Variants in LRRIQ1 observed in about 807,000 individuals in gnomAD.
The protein encoded by LRRIQ1 is leucine-rich repeat- and IQ domain-containing protein 1.
In LRRIQ1, 210 loss-of-function variants were observed where a neutral mutation model predicts 211.9. That is an observed-to-expected ratio of 0.99 (90% CI 0.89 to 1.11). The LOEUF (loss-of-function observed/expected upper bound fraction) is 1.11, where lower values mean the gene tolerates loss of function less well. LRRIQ1 is among the 50% of genes most tolerant of loss of function. LRRIQ1 has a pLI of 0.00. For synonymous variants in LRRIQ1, 699 were observed against 650.1 expected, an observed-to-expected ratio of 1.08 and a Z score of -1.14; for missense variants, 2,136 against 1,939.5, an observed-to-expected ratio of 1.10 and a Z score of -1.90.
chr12:85,184,970 A>C (rs2136905572), intron 24 of LRRIQ1, among the ~76,000 whole-genome samples: 1 of 152,092 alleles, frequency 6.6e-6, no homozygotes, highest in Middle Eastern at 3.4e-3. Flanking sequence ...AAGTAAGCTA[A>C]GGTTTACACT....
intron 3 of LRRIQ1, among the ~76,000 whole-genome samples, chr12:85,041,574 T>C (rs1226416220): frequency 1.3e-5 from 2 of 151,638 alleles, no homozygotes; most frequent in Non-Finnish European, 3.0e-5. Flanking sequence ...AAAGGCCCAC[T>C]GAGTGGATTT....
intron 19 of LRRIQ1, among the ~76,000 whole-genome samples, chr12:85,141,334 G>C (rs1889517738): frequency 6.6e-6 from 1 of 151,120 alleles, no homozygotes; most frequent in Non-Finnish European, 1.5e-5. Flanking sequence ...CATTCTATGA[G>C]GTATTGAGAG....
At chr12:85,171,570 A>G (rs1426239281) in intron 24 of LRRIQ1, among the ~76,000 whole-genome samples, 4 of 152,220 alleles carry the variant, frequency 2.6e-5, no homozygotes, top group Admixed American at 1.3e-4. Context: ...TCTTCAGAGA[A>G]ACAAAGCCAG....
chr12:85,155,386 C>T (rs1365831374), intron 23 of LRRIQ1, among the ~76,000 whole-genome samples: 5 of 151,276 alleles, frequency 3.3e-5, no homozygotes, highest in Admixed American at 2.6e-4. Flanking sequence ...TGGTGGTTAC[C>T]CAGTGAAATA....
rs1327186242 is a variant in LRRIQ1 at position 85,177,042 on chromosome 12, CT to C, written c.4822+16330del. Among the ~76,000 whole-genome samples the C allele has an allele frequency of 3.9e-5, 6 of 152,154 alleles. No individual in the cohort carries two copies. In the East Asian group the frequency reaches 9.7e-4, roughly 25 times the overall value. Reference sequence around the variant, plus strand: ...CGTGATTTTGGTTAAGTTACTAAACCTTCCTGTACTTGATTTTCCTCATCAA... The same window carrying C: ...CGTGATTTTGGTTAAGTTACTAAACCTCCTGTACTTGATTTTCCTCATCAA... On this transcript the variant is annotated intron_variant, in intron 24 of 26. Transcript: ENST00000393217.
chr12:85,038,337 C>G (rs759583222), intron 2 of LRRIQ1, 29 bp downstream of exon 2: 2 of 1,407,332 alleles, frequency 1.4e-6, no homozygotes, highest in Non-Finnish European at 1.9e-6. Context: ...AGCCTTTTAA[C>G]AGGAGTAGGC....
intron 11 of LRRIQ1, among the ~76,000 whole-genome samples, chr12:85,077,829 A>T (rs1050171635): frequency 6.6e-6 from 1 of 152,060 alleles, no homozygotes; most frequent in African/African-American, 2.4e-5. Flanking sequence ...AAAATAAAAT[A>T]AACAAAAAAT....
chr12:85,103,862 T>A (rs1458081607), intron 13 of LRRIQ1, 142 bp from the exon 14 acceptor site: 1 of 326,196 alleles, frequency 3.1e-6, no homozygotes, highest in African/African-American at 2.2e-5. Context: ...TATTGTACAA[T>A]TATAATTGTA....
chr12:85,167,576 A>C (rs1891215283), intron 24 of LRRIQ1, among the ~76,000 whole-genome samples: 1 of 152,218 alleles, frequency 6.6e-6, no homozygotes, highest in Non-Finnish European at 1.5e-5. Flanking sequence ...AGACTCAGCA[A>C]GTCTCTCTTC....
At chr12:85,135,261 A>G (rs1889040757) in intron 18 of LRRIQ1, among the ~76,000 whole-genome samples, 1 of 151,384 alleles carries the variant, frequency 6.6e-6, no homozygotes, top group Non-Finnish European at 1.5e-5. Flanking sequence ...CATGTTTATC[A>G]TCTCCTGGTT....
rs1296205700 is a variant in LRRIQ1 at position 85,098,463 on chromosome 12, C to T, written c.2996C>T (p.Ser999Phe). The change falls in exon 12 of 27, where the codon TCC (serine) becomes TTC (phenylalanine). Residue 999 changes from serine to phenylalanine, a missense_variant. Physicochemically the swap from Ser to Phe is radical, Grantham distance 155 (BLOSUM62 -2). Coordinates refer to ENST00000393217, the MANE Select transcript of LRRIQ1 (RefSeq NM_001079910.2). Reference protein sequence around the residue: ...DTPTIVYLDCSHNHLTDVEGV... With the variant: ...DTPTIVYLDCFHNHLTDVEGV... ...CCTACCATTGTATACCTAGATTGCT[C>T]CCATAATCATCTTACTGATGTAGAG... The T allele has an allele frequency of 3.7e-6, 6 of 1,611,508 alleles. No homozygotes were observed. Among genetic ancestry groups the T allele is most frequent in the Non-Finnish European group, 4.2e-6 (5 of 1,178,808 alleles).
intron 15 of LRRIQ1, among the ~76,000 whole-genome samples, chr12:85,112,589 G>A (rs1887266282): frequency 6.6e-6 from 1 of 150,966 alleles, no homozygotes; most frequent in African/African-American, 2.5e-5. Context: ...TATAAAAATG[G>A]CAGTTTACAT....
chr12:85,227,314 G>A (rs1434809832), intron 24 of LRRIQ1, among the ~76,000 whole-genome samples: 1 of 151,978 alleles, frequency 6.6e-6, no homozygotes, highest in Non-Finnish European at 1.5e-5. Context: ...TAGGGTACAT[G>A]TGCACAATGT....
At chr12:85,159,697 CA>C (rs1411375414) in intron 23 of LRRIQ1, among the ~76,000 whole-genome samples, 1 of 151,950 alleles carries the variant, frequency 6.6e-6, no homozygotes, top group African/African-American at 2.4e-5. Context: ...AGACACCGAA[CA>C]GTTTGCAAGC....
chr12:85,271,626 G>T, the LRRIQ1 span, among the ~76,000 whole-genome samples: 1 of 151,990 alleles, frequency 6.6e-6, no homozygotes, highest in Non-Finnish European at 1.5e-5. Flanking sequence ...GGTCTTCCTT[G>T]ATGTGTGACT....
chr12:85,262,845 TTTC>T (rs1896336135), intron 1 of LRRIQ1: 1 of 773,298 alleles, frequency 1.3e-6, no homozygotes, highest in African/African-American at 1.9e-5. Flanking sequence ...CTTAAATATA[TTTC>T]TTACTTTAAA....
chr12:85,106,040 C>T (rs1020873895), intron 14 of LRRIQ1, among the ~76,000 whole-genome samples: 9 of 152,092 alleles, frequency 5.9e-5, no homozygotes, highest in Admixed American at 5.9e-4. Flanking sequence ...AGGTGGTCTG[C>T]CCGCCTCGGC....
intron 11 of LRRIQ1, among the ~76,000 whole-genome samples, chr12:85,084,433 A>G (rs1884607635): frequency 6.6e-6 from 1 of 152,188 alleles, no homozygotes; most frequent in South Asian, 2.1e-4. Flanking sequence ...CAGTTTAATT[A>G]GAAAAAGTTC....
intron 24 of LRRIQ1, among the ~76,000 whole-genome samples, chr12:85,195,256 TG>T (rs1404873953): frequency 6.6e-6 from 1 of 151,934 alleles, no homozygotes; most frequent in Non-Finnish European, 1.5e-5. Flanking sequence ...AAGGAGGAAC[TG>T]GTACCATTCC....
Sources: allele counts gnomAD v4.1 joint callset (sites outside exome capture counted in the v4.1 genomes callset), GRCh38; gene constraint gnomAD v4.1.1; transcripts MANE v1.5; gene names NCBI Gene and HGNC (gene_info 2026-07-23, HGNC 2026-07-21).